The following SERPINB7 variants were observed in gnomAD, a reference collection of about 807,000 sequenced individuals.
The protein encoded by SERPINB7 is serpin family B member 7.
SERPINB7 carries 31 observed loss-of-function variants against 37.4 expected under a neutral mutation model. That is an observed-to-expected ratio of 0.83 (90% confidence interval 0.62 to 1.12). The LOEUF is 1.12. Among genes scored for constraint, SERPINB7 ranks in the 50% most tolerant of loss-of-function variants. The pLI is 0.00. For synonymous variants in SERPINB7, 163 were observed against 166.1 expected, an observed-to-expected ratio of 0.98 and a Z score of 0.14; for missense variants, 521 against 455.3, an observed-to-expected ratio of 1.14 and a Z score of -1.31.
At chr18:63,800,780 A>G (rs759226474) in intron 6 of SERPINB7, 86 bp from the exon 7 acceptor site, 1 of 1,466,644 alleles carries the variant, frequency 6.8e-7, no homozygotes, top group Non-Finnish European at 9.2e-7. Context: ...AAATTTATTG[A>G]CCAAGTACAA....
intron 1 of SERPINB7, among the ~76,000 whole-genome samples, chr18:63,781,638 G>C (rs1414358501): frequency 6.6e-6 from 1 of 152,210 alleles, no homozygotes; most frequent in East Asian, 1.9e-4. Flanking sequence ...CTGTATTGCA[G>C]AAACAACATC....
At chr18:63,773,460 C>T (rs1238509707), upstream of SERPINB7, among the ~76,000 whole-genome samples, 1 of 152,110 alleles carries the variant, frequency 6.6e-6, no homozygotes, top group African/African-American at 2.4e-5. Flanking sequence ...ATGCCCTCGC[C>T]ATTAGTATTC....
At chr18:63,797,554 T>C (rs1307078058) in intron 5 of SERPINB7, among the ~76,000 whole-genome samples, 1 of 152,220 alleles carries the variant, frequency 6.6e-6, no homozygotes, top group Non-Finnish European at 1.5e-5. Flanking sequence ...TGTAAATCTA[T>C]GCATAATTAC....
At chr18:63,775,161 C>T (rs1015188525), upstream of SERPINB7, among the ~76,000 whole-genome samples, 1 of 152,054 alleles carries the variant, frequency 6.6e-6, no homozygotes, top group African/African-American at 2.4e-5. Flanking sequence ...TATGTTTTGA[C>T]CCAGGCTGAC....
intron 3 of SERPINB7, among the ~76,000 whole-genome samples, 158 bp from the exon 4 acceptor site, chr18:63,793,003 G>C (rs1459971093): frequency 6.6e-6 from 1 of 152,158 alleles, no homozygotes. Flanking sequence ...TTTTGAGAAA[G>C]GGTAAGACAT....
chr18:63,757,906 C>T (rs1015674928), intron 1 of SERPINB7, among the ~76,000 whole-genome samples: 1 of 152,172 alleles, frequency 6.6e-6, no homozygotes, highest in African/African-American at 2.4e-5. Flanking sequence ...TTCTTGATTG[C>T]CTATGAATCC....
chr18:63,791,765 C>T (rs2049430428), intron 2 of SERPINB7, among the ~76,000 whole-genome samples: 1 of 147,368 alleles, frequency 6.8e-6, no homozygotes, highest in Middle Eastern at 3.3e-3. Flanking sequence ...CGCCCACCAC[C>T]ACAACCAGCT....
chr18:63,792,286 A>G (rs2049437071), intron 2 of SERPINB7, 107 bp from the exon 3 acceptor site: 2 of 769,974 alleles, frequency 2.6e-6, no homozygotes, highest in Admixed American at 2.3e-5. Flanking sequence ...TGGAATGGCA[A>G]TTAGACACAT....
intron 1 of SERPINB7, among the ~76,000 whole-genome samples, chr18:63,779,675 T>A (rs1419332438): frequency 6.6e-6 from 1 of 152,042 alleles, no homozygotes; most frequent in African/African-American, 2.4e-5. Flanking sequence ...AAAACTTACC[T>A]AAGCTAAACA....
chr18:63,771,450 A>T (rs919897617), upstream of SERPINB7, among the ~76,000 whole-genome samples: 1 of 152,112 alleles, frequency 6.6e-6, no homozygotes, highest in Admixed American at 6.6e-5. Flanking sequence ...AAATGAAATG[A>T]CCACAATAAG....
intron 1 of SERPINB7, among the ~76,000 whole-genome samples, chr18:63,759,731 C>T (rs940445992): frequency 6.6e-5 from 10 of 152,242 alleles, no homozygotes; most frequent in Admixed American, 4.6e-4. Context: ...GTTGGTCTTT[C>T]CCATGCTATT....
chr18:63,759,210 T>A (rs2049139088), intron 1 of SERPINB7, among the ~76,000 whole-genome samples: 1 of 151,930 alleles, frequency 6.6e-6, no homozygotes, highest in African/African-American at 2.4e-5. Flanking sequence ...AACTATTAAA[T>A]GTATTGTGTT....
intron 5 of SERPINB7, 55 bp downstream of exon 5, chr18:63,796,438 C>A: frequency 1.0e-6 from 1 of 977,256 alleles, no homozygotes; most frequent in Non-Finnish European, 1.6e-6. Flanking sequence ...TATGTGAATA[C>A]TGGGAACAAA....
In SERPINB7 at chr18:63,755,500, G is replaced by A. The variant is rs1278126486; in HGVS notation, c.-19+2380G>A. Among the ~76,000 whole-genome samples, 3 of 152,250 alleles carry A rather than the reference G, an allele frequency of 2.0e-5. No homozygotes were observed. The East Asian group carries it at 5.8e-4, about 29-fold the overall frequency. ...TCAGTAGCAGACACTGAAGTTTGAG[G>A]TTTAGCTGAGCAAAATTCGCTTGAA... On this transcript the variant is annotated intron_variant, in intron 1 of 7. Coordinates refer to the SERPINB7 transcript ENST00000336429.
chr18:63,796,201 A>G, intron 4 of SERPINB7, 65 bp from the exon 5 acceptor site: 1 of 949,486 alleles, frequency 1.1e-6, no homozygotes, highest in East Asian at 2.4e-5. Flanking sequence ...AAGTTCAAAA[A>G]TACATTTCTT....
At chr18:63,758,079 C>T (rs1308366121) in intron 1 of SERPINB7, among the ~76,000 whole-genome samples, 1 of 152,200 alleles carries the variant, frequency 6.6e-6, no homozygotes, top group Non-Finnish European at 1.5e-5. Context: ...CTCTCTCTAT[C>T]ACTCCTGCTC....
At chr18:63,757,943 G>A in intron 1 of SERPINB7, among the ~76,000 whole-genome samples, 1 of 152,306 alleles carries the variant, frequency 6.6e-6, no homozygotes, top group South Asian at 2.1e-4. Context: ...AGTACAAGTA[G>A]CTTCATCAGG....
chr18:63,773,995 A>G (rs1384637545), upstream of SERPINB7, among the ~76,000 whole-genome samples: 1 of 152,084 alleles, frequency 6.6e-6, no homozygotes, highest in Non-Finnish European at 1.5e-5. Flanking sequence ...TATCCTCAGT[A>G]GGTAAGAAAT....
chr18:63,798,831 T>C (rs2049517510), intron 6 of SERPINB7, 85 bp downstream of exon 6: 12 of 1,389,800 alleles, frequency 8.6e-6, no homozygotes, highest in South Asian at 7.8e-5. Context: ...TAGTAAACTC[T>C]AGGTTCACCG....
Sources: allele counts gnomAD v4.1 joint callset (sites outside exome capture counted in the v4.1 genomes callset), GRCh38; gene constraint gnomAD v4.1.1; transcripts MANE v1.5; gene names NCBI Gene and HGNC (gene_info 2026-07-23, HGNC 2026-07-21).